The following RPS6KC1 variants were observed in gnomAD, a reference collection of about 807,000 sequenced individuals.
RPS6KC1 encodes the protein ribosomal protein S6 kinase C1, also known as inactive ribosomal protein S6 kinase delta-1.
In RPS6KC1, 54 loss-of-function variants were observed where a neutral mutation model predicts 103.8. That is an observed-to-expected ratio of 0.52 (90% CI 0.42 to 0.65). RPS6KC1 has a LOEUF of 0.65. RPS6KC1 is among the 30% of genes least tolerant of loss of function. The pLI is 0.00. For missense variants in RPS6KC1, 1,151 were observed against 1,253.8 expected, an observed-to-expected ratio of 0.92 and a Z score of 1.24; for synonymous variants, 439 against 438.7, an observed-to-expected ratio of 1.00 and a Z score of -0.01.
the RPS6KC1 span, among the ~76,000 whole-genome samples, chr1:213,728,937 G>GTTTTTTTTGTT: frequency 3.2e-5 from 3 of 93,416 alleles, no homozygotes; most frequent in Non-Finnish European, 5.8e-5. Context: ...GAACATGAGG[G>GTTTTTTTTGTT]TTTTTTTTTT....
chr1:213,346,563 G>A, the RPS6KC1 span, among the ~76,000 whole-genome samples: 1 of 152,048 alleles, frequency 6.6e-6, no homozygotes, highest in Non-Finnish European at 1.5e-5. Context: ...TCGGAGTAAT[G>A]GGATAGAAGA....
At chr1:213,547,167 C>A in the RPS6KC1 span, among the ~76,000 whole-genome samples, 1 of 152,144 alleles carries the variant, frequency 6.6e-6, no homozygotes, top group African/African-American at 2.4e-5. Context: ...ATTAAAGGTA[C>A]CTGCTATCAG....
chr1:213,242,853 T>C (rs1475046633), intron 12 of RPS6KC1, among the ~76,000 whole-genome samples, 195 bp downstream of exon 12: 1 of 152,166 alleles, frequency 6.6e-6, no homozygotes, highest in Admixed American at 6.5e-5. Flanking sequence ...TGTGTATATA[T>C]GTATGTGTGT....
At chr1:213,646,824 A>G in the RPS6KC1 span, among the ~76,000 whole-genome samples, 3 of 152,032 alleles carry the variant, frequency 2.0e-5, no homozygotes, top group African/African-American at 7.2e-5. Context: ...TCACCTGGTT[A>G]TAAAAAGTGA....
At chr1:213,391,789 C>G in the RPS6KC1 span, among the ~76,000 whole-genome samples, 1 of 152,180 alleles carries the variant, frequency 6.6e-6, no homozygotes, top group Non-Finnish European at 1.5e-5. Context: ...AATGTTCATG[C>G]AAAGAATTAT....
chr1:213,244,718 C>G lies in RPS6KC1; in HGVS notation c.2911+2060C>G, dbSNP rs372375071. Among the ~76,000 whole-genome samples the G allele has an allele frequency of 1.1e-4, 16 of 152,200 alleles. No homozygotes were observed. In the East Asian group the frequency reaches 2.5e-3, roughly 24 times the overall value. ...TACCGAATTTAATACAGATCGGTTTCTAAGTTCTAATTTTTAAGCCTTGTC... is the reference window on the plus strand; with the variant it reads ...TACCGAATTTAATACAGATCGGTTTGTAAGTTCTAATTTTTAAGCCTTGTC... On this transcript the variant is annotated intron_variant, in intron 12 of 14. Transcript: ENST00000366960.
At chr1:213,372,239 G>A in the RPS6KC1 span, among the ~76,000 whole-genome samples, 1 of 152,134 alleles carries the variant, frequency 6.6e-6, no homozygotes, top group African/African-American at 2.4e-5. Context: ...CTTGGGCCGC[G>A]GCCTCCAGCC....
At chr1:213,616,226 G>T in the RPS6KC1 span, among the ~76,000 whole-genome samples, 2 of 152,254 alleles carry the variant, frequency 1.3e-5, no homozygotes, top group Non-Finnish European at 2.9e-5. Context: ...GTAAGCAAAT[G>T]CTGCGCTAAG....
At chr1:213,344,370 AAAG>A in the RPS6KC1 span, among the ~76,000 whole-genome samples, 2 of 152,222 alleles carry the variant, frequency 1.3e-5, no homozygotes, top group Non-Finnish European at 2.9e-5. Flanking sequence ...TCAAAAGATA[AAAG>A]AAGAGAATTT....
chr1:213,674,802 C>CT, the RPS6KC1 span, among the ~76,000 whole-genome samples: 42 of 152,028 alleles, frequency 2.8e-4, no homozygotes, highest in African/African-American at 8.9e-4. Context: ...TCTGCTTTAT[C>CT]TTTTTTTTAA....
the RPS6KC1 span, among the ~76,000 whole-genome samples, chr1:213,586,335 G>A: frequency 2.6e-5 from 4 of 152,230 alleles, no homozygotes; most frequent in African/African-American, 4.8e-5. Flanking sequence ...CGGCCACACC[G>A]CAACGCTGGG....
At chr1:213,367,297 T>C in the RPS6KC1 span, among the ~76,000 whole-genome samples, 11 of 152,366 alleles carry the variant, frequency 7.2e-5, no homozygotes, top group Non-Finnish European at 1.2e-4. Context: ...ACTGAGACTT[T>C]TAAGTCCTTT....
In RPS6KC1 at chr1:213,241,806, T is replaced by C. The variant is rs745584620; in HGVS notation, c.2330T>C (p.Phe777Ser). 2 of 1,613,970 alleles carry C rather than the reference T, an allele frequency of 1.2e-6. No homozygotes were observed. Among genetic ancestry groups the C allele is most frequent in the Non-Finnish European group, 1.7e-6 (2 of 1,179,932 alleles). ...HYAQEDPRML[F>S]VAAVDHSSSG... ...GCACAGGAGGATCCCAGGATGTTAT[T>C]TGTAGCAGCTGTTGATCATAGTAGT... The change falls in exon 11 of 15, where the codon TTT becomes TCT. Residue 777 changes from phenylalanine (F) to serine (S), a missense_variant. By Grantham distance (155) the Phe-to-Ser change is radical. Around this residue, in one of 3 missense-constraint regions of RPS6KC1, gnomAD observed 959 missense variants for 1,006.3 expected, o/e 0.95. Transcript: ENST00000366960.
chr1:213,744,328 T>G, the RPS6KC1 span, among the ~76,000 whole-genome samples: 4 of 152,136 alleles, frequency 2.6e-5, no homozygotes, highest in Non-Finnish European at 4.4e-5. Flanking sequence ...AAAACCTCTA[T>G]CAGCCTCTAG....
At chr1:213,482,714 A>G in the RPS6KC1 span, among the ~76,000 whole-genome samples, 1 of 151,620 alleles carries the variant, frequency 6.6e-6, no homozygotes, top group Non-Finnish European at 1.5e-5. Context: ...ACGCCCAGCT[A>G]ATTTTTGTAT....
At chr1:213,428,527 T>TTCCTTCCTTCCTTC in the RPS6KC1 span, among the ~76,000 whole-genome samples, 17 of 114,930 alleles carry the variant, frequency 1.5e-4, no homozygotes, top group African/African-American at 5.3e-4. Flanking sequence ...CCTCTTTCTC[T>TTCCTTCCTTCCTTC]CTCTCTCTCT....
At chr1:213,817,674 T>A in the RPS6KC1 span, 2 of 152,260 alleles carry the variant, frequency 1.3e-5, no homozygotes, top group African/African-American at 4.8e-5. Context: ...TTCTACCATT[T>A]ACTAGTTCAG....
the RPS6KC1 span, among the ~76,000 whole-genome samples, chr1:213,854,510 CTCTTTCTTTCTTTCTTTCTTTCTTTCTT>C: frequency 8.3e-6 from 1 of 120,934 alleles, no homozygotes; most frequent in Admixed American, 8.9e-5. Context: ...CTCTTTCTTT[CTCTTTCTTTCTTTCTTTCTTTCTTTCTT>C]TCTTTCTTTC....
chr1:213,339,687 G>A, the RPS6KC1 span, among the ~76,000 whole-genome samples: 4 of 152,140 alleles, frequency 2.6e-5, no homozygotes, highest in East Asian at 1.9e-4. Flanking sequence ...AATCGTTATC[G>A]TGCCTATTTT....
Sources: allele counts gnomAD v4.1 joint callset (sites outside exome capture counted in the v4.1 genomes callset), GRCh38; gene constraint gnomAD v4.1.1; regional missense constraint gnomAD v4.1.1; transcripts MANE v1.5; gene names NCBI Gene and HGNC (gene_info 2026-07-23, HGNC 2026-07-21).